The following SNED1 variants were observed in gnomAD, a reference collection of about 807,000 sequenced individuals.
SNED1 encodes the protein sushi, nidogen and EGF-like domain-containing protein 1.
SNED1 carries 81 observed loss-of-function variants against 166.7 expected under a neutral mutation model. That is an observed-to-expected ratio of 0.49 (90% CI 0.41 to 0.58). The LOEUF (loss-of-function observed/expected upper bound fraction) is 0.58. Ranked by LOEUF, SNED1 falls within the 20% of genes least tolerant of loss-of-function variation. The probability of loss-of-function intolerance (pLI) is 0.00; values close to 1 mark genes in which losing one functional copy is unlikely to be tolerated. For missense variants in SNED1, 1,604 were observed against 2,000.2 expected (o/e 0.80, Z 3.78); for synonymous variants, 762 against 822.0 (o/e 0.93, Z 1.25).
In SNED1 at chr2:241,052,483, GGGATCAAGCA is replaced by G. The variant is rs774171252; in HGVS notation, c.2083+18_2083+27del. 3,423 of 1,586,354 alleles carry G rather than the reference GGGATCAAGCA, an allele frequency of 2.2e-3. 108 individuals are homozygous for G. The African/African-American group carries it at 0.036, about 17-fold the overall frequency. Reference sequence around the variant, plus strand: ...GTGCCAGGCAGGTGAGAGGGTCAGGGGGATCAAGCAGGGTACATGGGATACCAGTGCCAGG... The same window carrying G: ...GTGCCAGGCAGGTGAGAGGGTCAGGGGGGTACATGGGATACCAGTGCCAGG... On this transcript the variant is annotated intron_variant, in intron 15 of 31. Transcript: ENST00000310397.
chr2:241,045,911 C>T (rs778271601), intron 8 of SNED1, among the ~76,000 whole-genome samples: 14 of 152,096 alleles, frequency 9.2e-5, no homozygotes, highest in Non-Finnish European at 1.5e-4. Flanking sequence ...TCATACCCAA[C>T]AAAGGACTTG....
At chr2:241,087,728 A>G in intron 30 of SNED1, 1 of 1,331,534 alleles carries the variant, frequency 7.5e-7, no homozygotes, top group Non-Finnish European at 9.6e-7. Flanking sequence ...ATGCATATTC[A>G]CACAGAACAT....
At chr2:241,088,291 T>C (rs758972714) in intron 30 of SNED1, 74 bp from the exon 31 acceptor site, 1 of 1,067,286 alleles carries the variant, frequency 9.4e-7, no homozygotes, top group Non-Finnish European at 1.5e-6. Flanking sequence ...GCAGGCAGCC[T>C]GGACTGAGGT....
chr2:241,003,525 G>C (rs1156549497), intron 1 of SNED1, among the ~76,000 whole-genome samples: 1 of 152,218 alleles, frequency 6.6e-6, no homozygotes, highest in East Asian at 1.9e-4. Context: ...CACCTTCCCT[G>C]ACAGGGTGAG....
At chr2:241,031,170 CTT>C (rs111980166) in intron 2 of SNED1, among the ~76,000 whole-genome samples, 11 of 147,376 alleles carry the variant, frequency 7.5e-5, no homozygotes, top group Admixed American at 2.7e-4. Flanking sequence ...TTAATAAACA[CTT>C]TTTTTTTTTT....
chr2:241,082,264 T>TTC lies in SNED1; in HGVS notation c.4034-11_4034-10dup, dbSNP rs869230232. The stretch of plus-strand genomic sequence containing the variant: ...AGGAGCACCTGGTGAGCCACTGCCC[T>TTC]TCTTTGTCGCAGCCTGTATAAAGGT... On this transcript the variant is annotated splice_polypyrimidine_tract_variant and intron_variant, in intron 28 of 31. Coordinates refer to ENST00000310397, the MANE Select transcript of SNED1 (RefSeq NM_001080437.3). 2 of 1,595,276 alleles carry TTC rather than the reference T, an allele frequency of 1.3e-6. No individual in the cohort carries two copies. The highest frequency in any genetic ancestry group is 1.7e-6 in the Non-Finnish European group (2 of 1,164,564).
At position 241,064,851 on chromosome 2, in the gene SNED1, C is replaced by G; in HGVS notation, c.2607C>G (p.Asp869Glu). The G allele has an allele frequency of 1.3e-6, 2 of 1,586,672 alleles. No individual in the cohort carries two copies. The highest frequency in any genetic ancestry group is 1.7e-6 in the Non-Finnish European group (2 of 1,171,662). The change falls in exon 20 of 32, where the codon GAC (aspartate) becomes GAG (glutamate). Residue 869 changes from aspartate to glutamate, a missense_variant. Physicochemically the swap from Asp to Glu is conservative, Grantham distance 45 (BLOSUM62 2). Around this residue, in one of 2 missense-constraint regions of SNED1, gnomAD observed 1,237 missense variants for 1,620.8 expected, o/e 0.76. Transcript: ENST00000310397. The surrounding 1 kb of genome is among the most constrained non-coding windows in gnomAD (Gnocchi z 7.0). ...FFGYHCETVS[D>E]PCFSSPCGGR... ...CACTTTTTCTCCCCTCAGTGAGTGA[C>G]CCCTGCTTCTCCAGCCCCTGTGGGG...
intron 1 of SNED1, among the ~76,000 whole-genome samples, chr2:241,005,222 T>A (rs953637381): frequency 6.6e-6 from 1 of 152,042 alleles, no homozygotes; most frequent in South Asian, 2.1e-4. Context: ...TGTTTTGAGA[T>A]GGATTCTTAC....
intron 1 of SNED1, chr2:241,015,792 A>G (rs1486886533): frequency 6.5e-6 from 1 of 154,896 alleles, no homozygotes; most frequent in Admixed American, 6.5e-5. Context: ...ATCGTCTCAT[A>G]GCGGTGGTGT....
At chr2:241,032,482 C>A (rs991834832) in intron 2 of SNED1, among the ~76,000 whole-genome samples, 1 of 73,410 alleles carries the variant, frequency 1.4e-5, no homozygotes, top group Non-Finnish European at 2.6e-5. Flanking sequence ...CAGGGCCTGT[C>A]GTGGGGTGGG....
At chr2:241,070,819 A>G (rs2062672794) in intron 24 of SNED1, among the ~76,000 whole-genome samples, 1 of 152,188 alleles carries the variant, frequency 6.6e-6, no homozygotes, top group South Asian at 2.1e-4. Context: ...GAACAGGGAG[A>G]GAAGAAAGAG....
chr2:241,071,388 TG>T (rs2062706694), intron 24 of SNED1, 187 bp from the exon 25 acceptor site: 1 of 638,316 alleles, frequency 1.6e-6, no homozygotes, highest in Non-Finnish European at 2.7e-6. Flanking sequence ...ATGCGGCGGG[TG>T]GGCTGGAAGG....
At chr2:241,037,567 G>C (rs1208286932) in intron 6 of SNED1, among the ~76,000 whole-genome samples, 1 of 152,202 alleles carries the variant, frequency 6.6e-6, no homozygotes, top group African/African-American at 2.4e-5. Context: ...CAGTCACACA[G>C]GCTTCCTAGA....
In SNED1 at chr2:241,013,394, C is replaced by T. The variant is rs1170965592; in HGVS notation, c.213+14344C>T. On this transcript the variant is annotated intron_variant, in intron 1 of 31. Coordinates refer to ENST00000310397, the MANE Select transcript of SNED1 (RefSeq NM_001080437.3). The surrounding 1 kb of genome is among the most constrained non-coding windows in gnomAD (Gnocchi z 4.6). ...GAGCCTAGCTCACTGTAACCTCGAA[C>T]TCATGGGCTCCAGTGATCCTCCCAC... is the stretch of plus-strand genomic sequence containing the variant. 6.6e-6 allele frequency among the ~76,000 whole-genome samples: 1 copy of T among 152,224 alleles called. No individual in the cohort carries two copies. The highest frequency in any genetic ancestry group is 2.4e-5 in the African/African-American group (1 of 41,446).
chr2:241,056,829 C>T (rs1013332274), intron 16 of SNED1, among the ~76,000 whole-genome samples: 4 of 151,956 alleles, frequency 2.6e-5, no homozygotes. Context: ...GATCCACCCG[C>T]CTCAGCCTCC....
At chr2:241,006,535 C>T (rs923020327) in intron 1 of SNED1, among the ~76,000 whole-genome samples, 9 of 152,154 alleles carry the variant, frequency 5.9e-5, no homozygotes, top group African/African-American at 9.7e-5. Context: ...CTTGAAGATA[C>T]GAGTTGCAGA....
intron 30 of SNED1, 189 bp downstream of exon 30, chr2:241,087,664 T>C: frequency 7.2e-7 from 1 of 1,384,064 alleles, no homozygotes; most frequent in Non-Finnish European, 9.3e-7. Flanking sequence ...CATGTGAGCA[T>C]ACCCAGAGGG....
rs2064334799 is a variant in SNED1 at position 241,095,133 on chromosome 2, C to CT, written c.*3498dup. The CT allele has an allele frequency of 6.6e-6, 1 of 151,242 alleles. No individual in the cohort carries two copies. The highest frequency in any genetic ancestry group is 2.4e-5 in the African/African-American group (1 of 41,252). The allele number at this position is 151,242 out of a possible 1,614,324, so 9.4% of individuals were successfully genotyped here. On this transcript the variant is annotated 3_prime_UTR_variant, in exon 32 of 32. Coordinates refer to ENST00000310397, the MANE Select transcript of SNED1 (RefSeq NM_001080437.3). ...TGTGGCCCTGGCTTCAGCCCACCTG[C>CT]TCCATGACCCTATGCTCTTCTCCTC... is the stretch of plus-strand genomic sequence containing the variant.
At chr2:241,063,810 G>A (rs2062322008) in intron 18 of SNED1, 110 bp downstream of exon 18, 1 of 894,058 alleles carries the variant, frequency 1.1e-6, no homozygotes, top group Admixed American at 2.5e-5. Flanking sequence ...CTGGGGAGAG[G>A]GACCCCCAGG....
Sources: gnomAD v4.1 joint callset for allele counts (sites outside exome capture counted in the v4.1 genomes callset) on GRCh38, gnomAD v4.1.1 for gene constraint, gnomAD v4.1.1 regional missense constraint, Gnocchi (gnomAD v3.1) non-coding constraint, MANE v1.5 for transcripts, NCBI Gene and HGNC (gene_info 2026-07-23, HGNC 2026-07-21) for gene names.